Variants in ATXN1 observed in about 807,000 individuals in gnomAD.
ATXN1 encodes ataxin 1, also known as ataxin-1.
Under a neutral mutation model 56.4 loss-of-function variants are expected in ATXN1, and 8 were observed. The ratio of observed to expected loss-of-function variants is 0.14; its 90% confidence interval spans 0.08 to 0.26. The LOEUF is 0.26. ATXN1 is among the 10% of genes least tolerant of loss of function. ATXN1 has a pLI of 1.00. For synonymous variants in ATXN1, 514 were observed against 494.6 expected, an observed-to-expected ratio of 1.04 and a Z score of -0.52; for missense variants, 987 against 1,106.5, an observed-to-expected ratio of 0.89 and a Z score of 1.53.
chr6:16,596,787 A>G (rs541515957), intron 3 of ATXN1, among the ~76,000 whole-genome samples: 2 of 152,318 alleles, frequency 1.3e-5, no homozygotes, highest in Admixed American at 6.5e-5. Flanking sequence ...CAAAGGCAAG[A>G]TGGGTAGAAG....
chr6:16,391,584 GT>G (rs57836342), intron 6 of ATXN1, among the ~76,000 whole-genome samples: 20,889 of 152,164 alleles, frequency 0.14, 1,642 homozygotes, highest in African/African-American at 0.21. Flanking sequence ...TTTGTTATCT[GT>G]TTTTTTCTTC....
At chr6:16,630,865 G>C (rs1395622673) in intron 3 of ATXN1, among the ~76,000 whole-genome samples, 1 of 152,204 alleles carries the variant, frequency 6.6e-6, no homozygotes, top group Non-Finnish European at 1.5e-5. Context: ...AATAATATTA[G>C]AGAGGTTTCA....
intron 6 of ATXN1, among the ~76,000 whole-genome samples, chr6:16,443,620 T>C (rs1208327689): frequency 2.6e-5 from 4 of 152,186 alleles, no homozygotes; most frequent in Non-Finnish European, 1.5e-5. Context: ...AGTAAGCATA[T>C]TGTTGCAATG....
chr6:16,374,138 CAAAA>C (rs376857810), intron 6 of ATXN1, among the ~76,000 whole-genome samples: 3 of 85,414 alleles, frequency 3.5e-5, no homozygotes, highest in Admixed American at 2.6e-4. Context: ...AGGATATGAG[CAAAA>C]AAAAAAAAAA....
chr6:16,462,206 AC>A (rs1428614957), intron 6 of ATXN1, among the ~76,000 whole-genome samples: 1 of 151,952 alleles, frequency 6.6e-6, no homozygotes, highest in African/African-American at 2.4e-5. Context: ...AATCCTCTCT[AC>A]CCCCACTGCA....
In ATXN1 at chr6:16,328,772, T is replaced by C. The variant is rs1760911765; in HGVS notation, c.-160-302A>G. ...AAAAATAAAAAATAAAAAACAAATT[T>C]AGCCTGGTGTAACATTAGCTGGCAC... On this transcript the variant is annotated intron_variant, in intron 6 of 7. Coordinates refer to ENST00000436367, the MANE Select transcript of ATXN1 (RefSeq NM_001128164.2). This position sits in a 1 kb window ranked among gnomAD's most constrained non-coding sequence, Gnocchi z 6.2. 6.6e-6 allele frequency among the ~76,000 whole-genome samples: 1 copy of C among 152,034 alleles called. No homozygotes were observed. The highest frequency in any genetic ancestry group is 2.1e-4 in the South Asian group (1 of 4,826).
intron 6 of ATXN1, among the ~76,000 whole-genome samples, chr6:16,444,527 G>C (rs1019304378): frequency 2.0e-5 from 3 of 152,132 alleles, no homozygotes; most frequent in African/African-American, 7.2e-5. Context: ...TGCAATCTAT[G>C]AATTTACAGT....
In ATXN1 at chr6:16,301,294, T is replaced by C. The variant is rs1760090981; in HGVS notation, c.*5035A>G. 3.9e-5 allele frequency: 6 copies of C among 152,596 alleles called. No homozygotes were observed. Among genetic ancestry groups the C allele is most frequent in the Admixed American group, 3.3e-4 (5 of 15,268 alleles). The allele number at this position is 152,596 out of a possible 1,614,324, so 9.5% of individuals were successfully genotyped here. On this transcript the variant is annotated 3_prime_UTR_variant, in exon 8 of 8. Transcript: ENST00000436367. ...TTTAAAAAAAAATTCCCACAAGGTA[T>C]AGTGCTACAAGAAAAGATCCTATCA...
chr6:16,591,684 T>G (rs1300384555), intron 3 of ATXN1, among the ~76,000 whole-genome samples: 1 of 152,128 alleles, frequency 6.6e-6, no homozygotes, highest in African/African-American at 2.4e-5. Context: ...TATGAGCTCC[T>G]TAGGGGCCCC....
chr6:16,499,197 A>G (rs781358976), intron 5 of ATXN1, among the ~76,000 whole-genome samples: 4 of 152,186 alleles, frequency 2.6e-5, no homozygotes, highest in Non-Finnish European at 5.9e-5. Flanking sequence ...GTAAGGGTTC[A>G]ACTTCTTTCT....
intron 6 of ATXN1, among the ~76,000 whole-genome samples, chr6:16,427,887 C>G (rs964723566): frequency 3.3e-5 from 5 of 152,184 alleles, no homozygotes; most frequent in Non-Finnish European, 5.9e-5. Flanking sequence ...TTCTGAAACA[C>G]TCTATAAAAA....
At chr6:16,507,556 T>G (rs1337246199) in intron 5 of ATXN1, among the ~76,000 whole-genome samples, 2 of 152,226 alleles carry the variant, frequency 1.3e-5, no homozygotes, top group African/African-American at 4.8e-5. Flanking sequence ...TTATTATGTA[T>G]GCCTGAATAA....
rs756706350 is a variant in ATXN1, at chr6:16,327,619, G to A, written c.692C>T (p.Pro231Leu). 116 of 1,587,448 alleles carry A rather than the reference G, an allele frequency of 7.3e-5. 2 individuals are homozygous for A. In the South Asian group the frequency reaches 1.1e-3, roughly 15 times the overall value. The change falls in exon 7 of 8, where the codon CCG becomes CTG. Residue 231 changes from proline to leucine, a missense_variant. Around this residue, in one of 3 missense-constraint regions of ATXN1, gnomAD observed 723 missense variants for 791.7 expected, o/e 0.91. Coordinates refer to ENST00000436367, the MANE Select transcript of ATXN1 (RefSeq NM_001128164.2). The stretch of plus-strand genomic sequence containing the variant: ...GGGGGACCCCGGGGTGATGAGCCCC[G>A]GAGCCCTGCTGAGGTGCTGCTGCTG... ...QQQQQHLSRA[P>L]GLITPGSPPP...
chr6:16,443,493 T>C (rs1281839203), intron 6 of ATXN1, among the ~76,000 whole-genome samples: 1 of 152,220 alleles, frequency 6.6e-6, no homozygotes, highest in East Asian at 1.9e-4. Flanking sequence ...ACACACAGAC[T>C]GTAACTATTC....
At chr6:16,330,195 C>T (rs1379725175) in intron 6 of ATXN1, among the ~76,000 whole-genome samples, 2 of 152,086 alleles carry the variant, frequency 1.3e-5, no homozygotes, top group Non-Finnish European at 2.9e-5. Flanking sequence ...GGATTCCAGG[C>T]ATGAGCCACT....
chr6:16,393,395 C>T (rs527350004), intron 6 of ATXN1, among the ~76,000 whole-genome samples: 27 of 152,156 alleles, frequency 1.8e-4, no homozygotes, highest in African/African-American at 6.3e-4. Context: ...CAACCATACC[C>T]GGCTAATTTT....
intron 6 of ATXN1, among the ~76,000 whole-genome samples, chr6:16,406,415 G>A (rs902839681): frequency 2.6e-5 from 4 of 152,040 alleles, no homozygotes; most frequent in Admixed American, 6.5e-5. Flanking sequence ...CAAACCTAAC[G>A]GATACCGGGC....
intron 4 of ATXN1, among the ~76,000 whole-genome samples, chr6:16,552,759 G>C (rs1383636724): frequency 6.6e-6 from 1 of 152,208 alleles, no homozygotes; most frequent in Admixed American, 6.5e-5. Context: ...TTACGGGGGT[G>C]TATCACCTTG....
At chr6:16,729,771 T>C (rs1168917325) in intron 2 of ATXN1, among the ~76,000 whole-genome samples, 1 of 152,226 alleles carries the variant, frequency 6.6e-6, no homozygotes, top group Non-Finnish European at 1.5e-5. Flanking sequence ...GCAACGGTTA[T>C]ATTTTTGTTC....
Sources: allele counts gnomAD v4.1 joint callset (sites outside exome capture counted in the v4.1 genomes callset), GRCh38; gene constraint gnomAD v4.1.1; regional missense constraint gnomAD v4.1.1; non-coding constraint Gnocchi (gnomAD v3.1); transcripts MANE v1.5; gene names NCBI Gene and HGNC (gene_info 2026-07-23, HGNC 2026-07-21).